LIMCH1: variants seen among roughly 807,000 people sequenced by gnomAD.
LIMCH1 encodes LIM and calponin homology domains 1.
A neutral mutation model predicts 176.5 loss-of-function variants in LIMCH1; 113 were observed. That is an observed-to-expected ratio of 0.64 (90% CI 0.55 to 0.75). LIMCH1 has a LOEUF of 0.75. Among genes scored for constraint, LIMCH1 ranks in the 30% least tolerant of loss-of-function variants. The pLI is 0.00. For missense variants in LIMCH1, 1,674 were observed against 1,814.9 expected (o/e 0.92, Z 1.41); for synonymous variants, 619 against 645.9 (o/e 0.96, Z 0.63).
rs570230030 is a variant in LIMCH1, at chr4:41,382,586, A to G, written c.96+21650A>G. 4.6e-5 allele frequency among the ~76,000 whole-genome samples: 7 copies of G among 152,172 alleles called. 2 individuals are homozygous for G. Among genetic ancestry groups the G allele is most frequent in the African/African-American group, 1.7e-4 (7 of 41,528 alleles). On this transcript the variant is annotated intron_variant, in intron 1 of 26. Transcript: ENST00000313860. ...GAGAGTGATCATAGGTGTGGAAAGG[A>G]GGGGAGGGCTTCCAGGCACATTTGG...
chr4:41,619,386 A>G lies in LIMCH1; in HGVS notation c.404A>G (p.Tyr135Cys). ...LRKKKAEREE[Y>C]RKSWSTATSP... The stretch of plus-strand genomic sequence containing the variant: ...AAGAAGAAAGCAGAGAGAGAGGAAT[A>G]CCGCAAGAGCTGGAGTACCGCCACC... The change falls in exon 6 of 32, where the codon TAC (tyrosine) becomes TGC (cysteine). Residue 135 changes from tyrosine to cysteine, a missense_variant. By Grantham distance (194) the Tyr-to-Cys change is radical. Transcript: ENST00000503057. 1 of 1,613,694 alleles carries G rather than the reference A, an allele frequency of 6.2e-7. No individual in the cohort carries two copies.
chr4:41,409,580 T>A (rs2059296529), intron 1 of LIMCH1, among the ~76,000 whole-genome samples: 1 of 152,230 alleles, frequency 6.6e-6, no homozygotes, highest in Non-Finnish European at 1.5e-5. Flanking sequence ...TATACCTAAA[T>A]GCATCTATGT....
chr4:41,393,123 T>C (rs2057429327), intron 1 of LIMCH1, among the ~76,000 whole-genome samples: 1 of 152,254 alleles, frequency 6.6e-6, no homozygotes, highest in Non-Finnish European at 1.5e-5. Flanking sequence ...AAAAGATGTT[T>C]ACTTTATGTG....
At chr4:41,646,313 A>G in intron 16 of LIMCH1, 33 bp downstream of exon 16, 1 of 1,571,596 alleles carries the variant, frequency 6.4e-7, no homozygotes, top group Non-Finnish European at 8.6e-7. Flanking sequence ...TTTAATGTAC[A>G]ATATTATCTA....
chr4:41,388,606 A>G (rs972506285), intron 1 of LIMCH1, among the ~76,000 whole-genome samples: 13 of 152,188 alleles, frequency 8.5e-5, no homozygotes, highest in African/African-American at 1.7e-4. Context: ...GACTTTTACA[A>G]TGGGTGAATT....
intron 1 of LIMCH1, among the ~76,000 whole-genome samples, chr4:41,597,007 C>T (rs1014263708): frequency 7.2e-5 from 11 of 152,144 alleles, no homozygotes; most frequent in African/African-American, 2.4e-4. Context: ...ACTTCCTTCA[C>T]ACCGTCTACC....
At chr4:41,562,941 G>C (rs374237535) in intron 1 of LIMCH1, among the ~76,000 whole-genome samples, 1 of 152,060 alleles carries the variant, frequency 6.6e-6, no homozygotes, top group African/African-American at 2.4e-5. Context: ...TGTTATGAAA[G>C]GATTTGATTC....
At chr4:41,592,332 A>G (rs1376709017) in intron 1 of LIMCH1, among the ~76,000 whole-genome samples, 4 of 152,232 alleles carry the variant, frequency 2.6e-5, no homozygotes, top group African/African-American at 7.2e-5. Context: ...TTAATTACAA[A>G]TGATGGCTTA....
intron 10 of LIMCH1, 60 bp from the exon 11 acceptor site, chr4:41,632,689 T>C (rs2093387566): frequency 5.9e-6 from 8 of 1,365,596 alleles, no homozygotes. Context: ...TTTCACTGTC[T>C]TCTTTCGTAA....
chr4:41,367,300 C>T (rs570736448), intron 1 of LIMCH1, among the ~76,000 whole-genome samples: 1 of 152,196 alleles, frequency 6.6e-6, no homozygotes, highest in Non-Finnish European at 1.5e-5. Flanking sequence ...AATAACTTGG[C>T]TGATACCTTT....
At chr4:41,486,240 C>T (rs1477693017) in intron 1 of LIMCH1, among the ~76,000 whole-genome samples, 1 of 152,160 alleles carries the variant, frequency 6.6e-6, no homozygotes, top group Non-Finnish European at 1.5e-5. Flanking sequence ...TGCTAAGCTT[C>T]CCGTTCTCCT....
intron 28 of LIMCH1, among the ~76,000 whole-genome samples, chr4:41,686,636 A>G (rs1330276401): frequency 6.6e-6 from 1 of 152,212 alleles, no homozygotes; most frequent in East Asian, 1.9e-4. Flanking sequence ...TTGGACCTTG[A>G]GCAAATTACT....
rs376507472 is a variant in LIMCH1 at position 41,646,527 on chromosome 4, T to C, written c.2454T>C (p.Ala818=). 1.7e-5 allele frequency: 28 copies of C among 1,613,998 alleles called. No individual in the cohort carries two copies. The African/African-American group carries it at 3.7e-4, about 22-fold the overall frequency. The change falls in exon 17 of 32, where the codon GCT becomes GCC. Residue 818 remains alanine (A), a synonymous_variant. Coordinates refer to ENST00000503057, the MANE Select transcript of LIMCH1 (RefSeq NM_001330672.2). ...AGCTGCATGAAGCATATAAGAACGC[T>C]CGGTCCCAGGAGGAGGCAGAGGGGA... is the stretch of plus-strand genomic sequence containing the variant. ...ERELHEAYKN[A]RSQEEAEGIL...
chr4:41,636,340 CTTT>C (rs35828085), intron 13 of LIMCH1, among the ~76,000 whole-genome samples: 7 of 104,944 alleles, frequency 6.7e-5, no homozygotes, highest in East Asian at 2.5e-4. Flanking sequence ...TGCTTTATTA[CTTT>C]TTTTTTTTTT....
chr4:41,470,671 AC>A (rs1241647179), intron 1 of LIMCH1, among the ~76,000 whole-genome samples: 2 of 151,902 alleles, frequency 1.3e-5, no homozygotes, highest in East Asian at 1.9e-4. Flanking sequence ...ATCTTACACA[AC>A]CCCTTAACAA....
intron 1 of LIMCH1, among the ~76,000 whole-genome samples, chr4:41,447,353 G>A (rs1282948724): frequency 6.6e-6 from 1 of 152,178 alleles, no homozygotes; most frequent in Non-Finnish European, 1.5e-5. Flanking sequence ...GTTAAATACT[G>A]ATATCTGCTT....
At chr4:41,671,759 A>G (rs976380138) in intron 22 of LIMCH1, among the ~76,000 whole-genome samples, 165 bp downstream of exon 22, 1 of 152,008 alleles carries the variant, frequency 6.6e-6, no homozygotes, top group Non-Finnish European at 1.5e-5. Flanking sequence ...TCAGGTGTTC[A>G]AGATCAGGCT....
intron 24 of LIMCH1, 22 bp from the exon 25 acceptor site, chr4:41,680,933 C>T (rs753797510): frequency 1.7e-5 from 22 of 1,309,484 alleles, no homozygotes; most frequent in South Asian, 5.0e-5. Context: ...CCCCTTTCAT[C>T]GATTCCTGTC....
chr4:41,661,762 C>T (rs555307943), intron 19 of LIMCH1, among the ~76,000 whole-genome samples: 18 of 152,154 alleles, frequency 1.2e-4, no homozygotes, highest in African/African-American at 4.3e-4. Context: ...AATATTTATC[C>T]CTATAATCAT....
Sources: allele counts gnomAD v4.1 joint callset (sites outside exome capture counted in the v4.1 genomes callset), GRCh38; gene constraint gnomAD v4.1.1; transcripts MANE v1.5; gene names NCBI Gene and HGNC (gene_info 2026-07-23, HGNC 2026-07-21).